GTSE1: variants seen among roughly 807,000 people sequenced by gnomAD.
GTSE1 encodes G2 and S-phase expressed 1.
In GTSE1, 52 loss-of-function variants were observed where a neutral mutation model predicts 60.5. The observed-to-expected ratio is 0.86, with a 90% CI of 0.69 to 1.08. GTSE1 has a LOEUF of 1.08. GTSE1 is among the 50% of genes least tolerant of loss of function. GTSE1 has a pLI of 0.00. For missense variants in GTSE1, 937 were observed against 961.8 expected, an observed-to-expected ratio of 0.97 and a Z score of 0.34; for synonymous variants, 368 against 386.5, an observed-to-expected ratio of 0.95 and a Z score of 0.56.
chr22:46,313,859 G>C lies in GTSE1; in HGVS notation c.928-31G>C, dbSNP rs2077762793. 1 of 1,612,994 alleles carries C rather than the reference G, an allele frequency of 6.2e-7. No homozygotes were observed. Among genetic ancestry groups the C allele is most frequent in the Admixed American group, 1.7e-5 (1 of 59,994 alleles). On this transcript the variant is annotated intron_variant, in intron 5 of 11. Transcript: ENST00000454366. This position sits in a 1 kb window ranked among gnomAD's most constrained non-coding sequence, Gnocchi z 4.4. ...GTAATAGGTAAATAACGAGATCTTT[G>C]CTGATTCTGTTTTTTCACATTTTGC...
intron 9 of GTSE1, chr22:46,327,294 T>C (rs1394287599): frequency 1.3e-5 from 2 of 152,142 alleles, no homozygotes; most frequent in African/African-American, 4.8e-5. Context: ...TCAGAAATGA[T>C]TAAAGATTGA....
At position 46,308,716 on chromosome 22, in the gene GTSE1, G is replaced by A; in HGVS notation, c.535G>A (p.Gly179Ser). The change falls in exon 4 of 12, where the codon GGT (glycine) becomes AGT (serine). Residue 179 changes from glycine (G) to serine (S), a missense_variant. Physicochemically the swap from Gly to Ser is moderately conservative, Grantham distance 56. Transcript: ENST00000454366. ...CAGCCCCTTGCTGGGGCCCCCTGTGGGTGAGCCTCGGCTCTTGGCCTCCTC... is the reference window on the plus strand; with the variant it reads ...CAGCCCCTTGCTGGGGCCCCCTGTGAGTGAGCCTCGGCTCTTGGCCTCCTC... ...SDSPLLGPPVGEPRLLASSPA... is the reference protein window; with the variant it reads ...SDSPLLGPPVSEPRLLASSPA... 1 of 1,613,658 alleles carries A rather than the reference G, an allele frequency of 6.2e-7. No homozygotes were observed. Among genetic ancestry groups the A allele is most frequent in the South Asian group, 1.1e-5 (1 of 91,092 alleles).
rs1221855988 is a variant in GTSE1 at position 46,329,465 on chromosome 22, A to C, written c.2034A>C (p.Ala678=). 1.9e-6 allele frequency: 3 copies of C among 1,614,040 alleles called. No homozygotes were observed. The East Asian group carries it at 6.7e-5, about 36-fold the overall frequency. ...PLIDFCDTPE[A]HVAVGSESRP... ...TCGACTTCTGCGATACCCCAGAAGCACACGTGGCTGTAGGATCTGAAAGCA... is the reference window on the plus strand; with the variant it reads ...TCGACTTCTGCGATACCCCAGAAGCCCACGTGGCTGTAGGATCTGAAAGCA... Residue 678 remains alanine, a synonymous_variant, in exon 11 of 12, where the codon GCA becomes GCC. Transcript: ENST00000454366. The surrounding 1 kb of genome is among the most constrained non-coding windows in gnomAD (Gnocchi z 6.4).
chr22:46,323,864 T>G (rs181903544), intron 8 of GTSE1, among the ~76,000 whole-genome samples: 2 of 151,054 alleles, frequency 1.3e-5, no homozygotes, highest in African/African-American at 4.9e-5. Flanking sequence ...ATTATTTTTG[T>G]ATTTTTTTTA....
Position 46,319,218 on chromosome 22 carries a change from G to A in GTSE1, c.1432+2806G>A, listed in dbSNP as rs948978740. ...TCCCAGAGCGCCGCGTGACCAGAGC[G>A]GACCCTGGAGTACCGTCAGTGCAGG... On this transcript the variant is annotated intron_variant, in intron 7 of 11. Transcript: ENST00000454366. This position sits in a 1 kb window ranked among gnomAD's most constrained non-coding sequence, Gnocchi z 5.0. Among the ~76,000 whole-genome samples the A allele has an allele frequency of 1.6e-4, 24 of 152,304 alleles. No homozygotes were observed. In the Middle Eastern group the frequency reaches 0.014, roughly 86 times the overall value.
Position 46,316,196 on chromosome 22 carries a change from G to A in GTSE1, c.1216G>A (p.Ala406Thr). 2 of 1,613,612 alleles carry A rather than the reference G, an allele frequency of 1.2e-6. No individual in the cohort carries two copies. Among genetic ancestry groups the A allele is most frequent in the Non-Finnish European group, 1.7e-6 (2 of 1,179,890 alleles). Residue 406 changes from alanine to threonine, a missense_variant, in exon 7 of 12, where the codon GCA becomes ACA. By Grantham distance (58) the Ala-to-Thr change is moderately conservative. Transcript: ENST00000454366. The surrounding 1 kb of genome is among the most constrained non-coding windows in gnomAD (Gnocchi z 5.0). ...QAKRVDVSEL[A>T]AEQLTAPPSA... ...CAAGCGGGTCGATGTTTCTGAGCTG[G>A]CAGCGGAGCAGCTCACGGCACCCCC...
At chr22:46,326,941 G>A (rs1302382567) in intron 9 of GTSE1, 6 of 269,004 alleles carry the variant, frequency 2.2e-5, no homozygotes, top group East Asian at 1.0e-4. Context: ...GGTGGCTCAC[G>A]CCTGTAATCC....
chr22:46,303,245 T>C (rs924333111), intron 2 of GTSE1, among the ~76,000 whole-genome samples: 5 of 152,184 alleles, frequency 3.3e-5, no homozygotes, highest in African/African-American at 1.2e-4. Context: ...ATATGCCAAG[T>C]CTTCTTTATA....
At chr22:46,327,565 C>A (rs1372284990) in intron 9 of GTSE1, among the ~76,000 whole-genome samples, 1 of 152,096 alleles carries the variant, frequency 6.6e-6, no homozygotes, top group African/African-American at 2.4e-5. Context: ...ATCCCAGCTA[C>A]TCAGGCGGCT....
chr22:46,300,972 G>A (rs1051546284), intron 2 of GTSE1, among the ~76,000 whole-genome samples: 1 of 152,204 alleles, frequency 6.6e-6, no homozygotes, highest in Non-Finnish European at 1.5e-5. Context: ...AAGCCAACAC[G>A]CATAGAGTGT....
In GTSE1 at chr22:46,328,559, G is replaced by A. The variant is rs2077856883; in HGVS notation, c.1725-129G>A. 8 of 660,730 alleles carry A rather than the reference G, an allele frequency of 1.2e-5. No individual in the cohort carries two copies. In the East Asian group the frequency reaches 1.9e-4, roughly 15 times the overall value. The allele number at this position is 660,730 out of a possible 1,614,324, so 40.9% of individuals were successfully genotyped here. A position where few individuals can be genotyped will look rare whatever the true frequency, so the allele number is the denominator to read the frequency against. Reference sequence around the variant, plus strand: ...ACACAGGAAACTGGGGGTCTGGAGGGTGAAGGCCCTAGAGCCGGGACGCAC... The same window carrying A: ...ACACAGGAAACTGGGGGTCTGGAGGATGAAGGCCCTAGAGCCGGGACGCAC... On this transcript the variant is annotated intron_variant, in intron 9 of 11. Coordinates refer to ENST00000454366, the MANE Select transcript of GTSE1 (RefSeq NM_016426.7).
chr22:46,316,474 T>A lies in GTSE1; in HGVS notation c.1432+62T>A. 8.9e-7 allele frequency: 1 copy of A among 1,125,898 alleles called. No individual in the cohort carries two copies. Among genetic ancestry groups the A allele is most frequent in the Non-Finnish European group, 1.3e-6 (1 of 780,798 alleles). The allele number at this position is 1,125,898 out of a possible 1,614,324, so 69.7% of individuals were successfully genotyped here. A position where few individuals can be genotyped will look rare whatever the true frequency, so the allele number is the denominator to read the frequency against. The stretch of plus-strand genomic sequence containing the variant: ...ATACTGAAGAAATTGCATTTAAAGT[T>A]TTAAACAATTATTGATGGCATTGAT... On this transcript the variant is annotated intron_variant, in intron 7 of 11. Transcript: ENST00000454366. This position sits in a 1 kb window ranked among gnomAD's most constrained non-coding sequence, Gnocchi z 5.0.
intron 9 of GTSE1, chr22:46,327,399 C>T (rs2077850358): frequency 6.7e-6 from 1 of 149,016 alleles, no homozygotes. Context: ...CTTAGCCGGG[C>T]GCGGTGGCTC....
chr22:46,296,917 C>G lies in GTSE1; in HGVS notation c.-36C>G, dbSNP rs1057299622. On this transcript the variant is annotated 5_prime_UTR_variant, in exon 1 of 12. In the 5' UTR this introduces an upstream ATG that the reference lacks. Coordinates refer to ENST00000454366, the MANE Select transcript of GTSE1 (RefSeq NM_016426.7). Reference sequence around the variant, plus strand: ...TCCGTGCCGGAGGCGCGTCCTGCATCGTCTGCCGCTTTGGGTAAGGTGGGG... The same window carrying G: ...TCCGTGCCGGAGGCGCGTCCTGCATGGTCTGCCGCTTTGGGTAAGGTGGGG... 1 of 159,762 alleles carries G rather than the reference C, an allele frequency of 6.3e-6. No homozygotes were observed. Among genetic ancestry groups the G allele is most frequent in the African/African-American group, 2.4e-5 (1 of 41,524 alleles). 9.9% of individuals were successfully genotyped at this position (159,762 alleles called of 1,614,324 possible).
Position 46,308,215 on chromosome 22 carries a change from A to T in GTSE1, c.137+8A>T. 1 of 1,612,520 alleles carries T rather than the reference A, an allele frequency of 6.2e-7. No individual in the cohort carries two copies. The highest frequency in any genetic ancestry group is 8.5e-7 in the Non-Finnish European group (1 of 1,178,576). Reference sequence around the variant, plus strand: ...TTCATTGTCTTCTTCGAGGTAAACAAATGAGTTTTCTTCCCTTGCCTTGGG... The same window carrying T: ...TTCATTGTCTTCTTCGAGGTAAACATATGAGTTTTCTTCCCTTGCCTTGGG... On this transcript the variant is annotated splice_region_variant and intron_variant, in intron 3 of 11. Transcript: ENST00000454366.
At position 46,308,956 on chromosome 22, in the gene GTSE1, G is replaced by A. The variant is rs1234607377; in HGVS notation, c.762+13G>A. The A allele has an allele frequency of 6.3e-7, 1 of 1,595,032 alleles. No individual in the cohort carries two copies. Among genetic ancestry groups the A allele is most frequent in the Non-Finnish European group, 8.6e-7 (1 of 1,169,516 alleles). ...GGCTGCGGAGAAGGTAAATGCCACA[G>A]CAGAGCGCCTGCCTGGGGAGCCCCC... On this transcript the variant is annotated intron_variant, in intron 4 of 11. Coordinates refer to ENST00000454366, the MANE Select transcript of GTSE1 (RefSeq NM_016426.7).
At chr22:46,322,146 C>G (rs2077817052) in intron 7 of GTSE1, among the ~76,000 whole-genome samples, 1 of 149,140 alleles carries the variant, frequency 6.7e-6, no homozygotes, top group South Asian at 2.1e-4. Flanking sequence ...CTGAGGAGAT[C>G]TGGTTTAAAG....
intron 6 of GTSE1, among the ~76,000 whole-genome samples, chr22:46,315,247 C>T (rs1013661421): frequency 2.0e-5 from 3 of 152,230 alleles, no homozygotes; most frequent in Admixed American, 1.3e-4. Flanking sequence ...TTAGTAGTGA[C>T]GGGGTTTCAC....
rs572793603 is a variant in GTSE1, at chr22:46,321,207, A to C, written c.1433-1983A>C. ...ACCACCCCACTCCATACAAGAAAAC[A>C]AACACCAGCCTGGGCGACACAGTGA... On this transcript the variant is annotated intron_variant, in intron 7 of 11. Transcript: ENST00000454366. The surrounding 1 kb of genome is among the most constrained non-coding windows in gnomAD (Gnocchi z 4.0). Among the ~76,000 whole-genome samples, 2 of 152,210 alleles carry C rather than the reference A, an allele frequency of 1.3e-5. No homozygotes were observed. Among genetic ancestry groups the C allele is most frequent in the Non-Finnish European group, 2.9e-5 (2 of 68,008 alleles).
Sources: gnomAD v4.1 joint callset for allele counts (sites outside exome capture counted in the v4.1 genomes callset) on GRCh38, gnomAD v4.1.1 for gene constraint, Gnocchi (gnomAD v3.1) non-coding constraint, MANE v1.5 for transcripts, NCBI Gene and HGNC (gene_info 2026-07-23, HGNC 2026-07-21) for gene names.